The following SYT6 variants were observed in gnomAD, a reference collection of about 807,000 sequenced individuals.
The protein encoded by SYT6 is synaptotagmin-6.
Under a neutral mutation model 38.4 loss-of-function variants are expected in SYT6, and 24 were observed. That is an observed-to-expected ratio of 0.62 (90% CI 0.45 to 0.88). The LOEUF (loss-of-function observed/expected upper bound fraction) is 0.88. Among genes scored for constraint, SYT6 ranks in the 40% least tolerant of loss-of-function variants. The probability of loss-of-function intolerance (pLI) is 0.00; values close to 1 mark genes in which losing one functional copy is unlikely to be tolerated. For synonymous variants in SYT6, 265 were observed against 241.9 expected (o/e 1.10, Z -0.89); for missense variants, 611 against 621.0 (o/e 0.98, Z 0.17).
At chr1:114,139,347 T>C (rs1440043590) in intron 2 of SYT6, among the ~76,000 whole-genome samples, 2 of 152,068 alleles carry the variant, frequency 1.3e-5, no homozygotes, top group Non-Finnish European at 2.9e-5. Context: ...CCTATTCCAC[T>C]ATTCCATTCC....
In SYT6 at chr1:114,152,195, T is replaced by TG. The variant is rs145353678; in HGVS notation, c.163+1414dup. On this transcript the variant is annotated intron_variant, in intron 1 of 7. Coordinates refer to ENST00000610222, the MANE Select transcript of SYT6 (RefSeq NM_001253772.2). ...ACAGGACCCTGGGACCTGCAGCCGCTGGGGAGTTTACCCCACCTGTACCTG... is the reference window on the plus strand; with the variant it reads ...ACAGGACCCTGGGACCTGCAGCCGCTGGGGGAGTTTACCCCACCTGTACCTG... 1,510 of 152,212 alleles carry TG rather than the reference T, an allele frequency of 9.9e-3. 25 individuals are homozygous for TG. The highest frequency in any genetic ancestry group is 0.034 in the African/African-American group (1,427 of 41,480). The allele number at this position is 152,212 out of a possible 1,614,324, so 9.4% of individuals were successfully genotyped here.
chr1:114,148,778 C>T (rs56179991), intron 1 of SYT6, among the ~76,000 whole-genome samples: 15,962 of 152,172 alleles, frequency 0.1, 1,181 homozygotes, highest in Non-Finnish European at 0.16. Context: ...TTGGTATACA[C>T]CCTTAAAGAT....
In SYT6 at chr1:114,124,221, C is replaced by T. The variant is rs1677593106; in HGVS notation, c.1071+13274G>A. 2.6e-5 allele frequency among the ~76,000 whole-genome samples: 4 copies of T among 152,198 alleles called. No individual in the cohort carries two copies. In the South Asian group the frequency reaches 8.3e-4, roughly 32 times the overall value. ...CAAATGCCATTTGAAACCACAAAAA[C>T]CTTCTATGGAGGGTGGAGCCTGGTA... is the stretch of plus-strand genomic sequence containing the variant. On this transcript the variant is annotated intron_variant, in intron 3 of 7. Coordinates refer to ENST00000610222, the MANE Select transcript of SYT6 (RefSeq NM_001253772.2).
At chr1:114,117,314 G>A (rs1162005515) in intron 3 of SYT6, among the ~76,000 whole-genome samples, 1 of 152,218 alleles carries the variant, frequency 6.6e-6, no homozygotes, top group Non-Finnish European at 1.5e-5. Context: ...ACCGAGACGT[G>A]CATATAGCAA....
At chr1:114,133,577 G>A (rs995274791) in intron 3 of SYT6, among the ~76,000 whole-genome samples, 1 of 152,200 alleles carries the variant, frequency 6.6e-6, no homozygotes, top group African/African-American at 2.4e-5. Context: ...AGACTATCAG[G>A]GGCCCTTGGG....
intron 3 of SYT6, among the ~76,000 whole-genome samples, chr1:114,114,236 G>A (rs1676860551): frequency 6.6e-6 from 1 of 152,238 alleles, no homozygotes; most frequent in African/African-American, 2.4e-5. Context: ...GTTCATGCAT[G>A]TATCCAAGAG....
intron 3 of SYT6, among the ~76,000 whole-genome samples, chr1:114,128,908 C>T (rs954711059): frequency 2.0e-5 from 3 of 152,188 alleles, no homozygotes; most frequent in African/African-American, 7.2e-5. Context: ...TTTCATGCCT[C>T]TTGACACCAT....
Position 114,089,591 on chromosome 1 carries a change from T to G in SYT6, c.*2543A>C, listed in dbSNP as rs1459743871. ...TCTCCGGCCAGAGAAAGCCAACAAATGGATCAACTTTGTATTTCATTTTCT... is the reference window on the plus strand; with the variant it reads ...TCTCCGGCCAGAGAAAGCCAACAAAGGGATCAACTTTGTATTTCATTTTCT... On this transcript the variant is annotated 3_prime_UTR_variant, in exon 8 of 8. Coordinates refer to ENST00000610222, the MANE Select transcript of SYT6 (RefSeq NM_001253772.2). 11 of 152,354 alleles carry G rather than the reference T, an allele frequency of 7.2e-5. No homozygotes were observed. Among genetic ancestry groups the G allele is most frequent in the African/African-American group, 2.7e-4 (11 of 41,456 alleles). 9.4% of individuals were successfully genotyped at this position (152,354 alleles called of 1,614,324 possible).
At chr1:114,150,898 G>C (rs1245363479) in intron 1 of SYT6, among the ~76,000 whole-genome samples, 2 of 152,182 alleles carry the variant, frequency 1.3e-5, no homozygotes, top group African/African-American at 4.8e-5. Flanking sequence ...CTAGCCTATA[G>C]AGGAGTCTCA....
chr1:114,135,942 T>C lies in SYT6; in HGVS notation c.1071+1553A>G, dbSNP rs1045940070. ...ACCAAATGTAAACTTCAGAGTGATT[T>C]ATGGAGTGGAGCGCTCGGGCCTGGG... On this transcript the variant is annotated intron_variant, in intron 3 of 7. Coordinates refer to ENST00000610222, the MANE Select transcript of SYT6 (RefSeq NM_001253772.2). Among the ~76,000 whole-genome samples the C allele has an allele frequency of 4.6e-5, 7 of 152,278 alleles. No homozygotes were observed. The South Asian group carries it at 6.2e-4, about 14-fold the overall frequency.
chr1:114,143,222 GT>G (rs1678964704), intron 1 of SYT6, among the ~76,000 whole-genome samples: 1 of 147,878 alleles, frequency 6.8e-6, no homozygotes, highest in Admixed American at 6.8e-5. Context: ...TAATTCTATT[GT>G]GCTATTCTAA....
intron 3 of SYT6, among the ~76,000 whole-genome samples, chr1:114,128,550 G>A (rs1288955436): frequency 2.0e-5 from 3 of 152,260 alleles, no homozygotes; most frequent in East Asian, 1.9e-4. Context: ...AACACGGCCC[G>A]TGTCCCCGTT....
intron 4 of SYT6, 120 bp downstream of exon 4, chr1:114,103,481 G>T: frequency 7.4e-7 from 1 of 1,359,382 alleles, no homozygotes. Flanking sequence ...CAGGCAGTTT[G>T]TGTCCAGAGC....
At chr1:114,143,949 C>A (rs921714738) in intron 1 of SYT6, among the ~76,000 whole-genome samples, 5 of 152,124 alleles carry the variant, frequency 3.3e-5, no homozygotes, top group Non-Finnish European at 5.9e-5. Context: ...TGGGAATGAA[C>A]CTTTGAGCCC....
intron 1 of SYT6, among the ~76,000 whole-genome samples, chr1:114,151,238 C>T (rs554596547): frequency 4.6e-5 from 7 of 152,172 alleles, no homozygotes; most frequent in Non-Finnish European, 1.0e-4. Context: ...TTGCTATGAT[C>T]AAAGGGTCTG....
At chr1:114,139,221 T>C (rs1314939452) in intron 2 of SYT6, among the ~76,000 whole-genome samples, 1 of 152,214 alleles carries the variant, frequency 6.6e-6, no homozygotes, top group African/African-American at 2.4e-5. Flanking sequence ...CTGCAGACTG[T>C]AGCTATCAGG....
chr1:114,092,184 T>C, intron 7 of SYT6, 102 bp from the exon 8 acceptor site: 1 of 1,120,656 alleles, frequency 8.9e-7, no homozygotes, highest in South Asian at 1.5e-5. Flanking sequence ...CTTTCCTAGC[T>C]TCTCATAAGC....
At chr1:114,102,834 G>A (rs189036746) in intron 4 of SYT6, among the ~76,000 whole-genome samples, 2 of 150,288 alleles carry the variant, frequency 1.3e-5, no homozygotes, top group Admixed American at 1.3e-4. Context: ...AGCTGATGAG[G>A]GAAGGAGGCT....
chr1:114,135,849 T>C (rs1678448244), intron 3 of SYT6, among the ~76,000 whole-genome samples: 1 of 152,196 alleles, frequency 6.6e-6, no homozygotes, highest in Non-Finnish European at 1.5e-5. Flanking sequence ...AGGACTGAGC[T>C]GCTTTTCTCT....
Sources: gnomAD v4.1 joint callset for allele counts (sites outside exome capture counted in the v4.1 genomes callset) on GRCh38, gnomAD v4.1.1 for gene constraint, MANE v1.5 for transcripts, NCBI Gene and HGNC (gene_info 2026-07-23, HGNC 2026-07-21) for gene names.